ZBBX: variants seen among roughly 807,000 people sequenced by gnomAD.
ZBBX encodes zinc finger B-box domain containing.
A neutral mutation model predicts 108.5 loss-of-function variants in ZBBX; 101 were observed. The observed-to-expected ratio is 0.93, with a 90% CI of 0.79 to 1.10. ZBBX has a LOEUF of 1.10. Ranked by LOEUF, ZBBX falls within the 50% of genes least tolerant of loss-of-function variation. The pLI is 0.00. For missense variants in ZBBX, 1,009 were observed against 941.4 expected (o/e 1.07, Z -0.94); for synonymous variants, 356 against 323.4 (o/e 1.10, Z -1.08).
intron 18 of ZBBX, among the ~76,000 whole-genome samples, chr3:167,290,307 T>G (rs943937785): frequency 6.6e-6 from 1 of 152,164 alleles, no homozygotes; most frequent in Non-Finnish European, 1.5e-5. Context: ...AGGAGAGCTC[T>G]GGCTGGCATC....
chr3:167,360,979 T>C (rs1465917022), intron 6 of ZBBX, among the ~76,000 whole-genome samples: 4 of 151,996 alleles, frequency 2.6e-5, no homozygotes, highest in African/African-American at 7.2e-5. Flanking sequence ...TAATTTGGCT[T>C]TTAAACAAAA....
At chr3:167,219,692 C>A in the ZBBX span, among the ~76,000 whole-genome samples, 1 of 151,602 alleles carries the variant, frequency 6.6e-6, no homozygotes, top group East Asian at 1.9e-4. Flanking sequence ...CGTAATGATG[C>A]AACTTGAAGA....
At chr3:167,368,042 G>A (rs1260449178) in intron 5 of ZBBX, among the ~76,000 whole-genome samples, 1 of 148,174 alleles carries the variant, frequency 6.7e-6, no homozygotes, top group East Asian at 2.0e-4. Context: ...GTATATATAT[G>A]TGAACTCTTG....
the ZBBX span, among the ~76,000 whole-genome samples, chr3:167,230,346 G>A: frequency 9.9e-5 from 15 of 151,824 alleles, no homozygotes; most frequent in Admixed American, 9.9e-4. Context: ...ACCCACTAGT[G>A]ACATAGTTAT....
At chr3:167,372,438 T>C (rs1229681806) in intron 4 of ZBBX, among the ~76,000 whole-genome samples, 4 of 152,194 alleles carry the variant, frequency 2.6e-5, no homozygotes, top group South Asian at 2.1e-4. Flanking sequence ...AAAAGGTCAA[T>C]TCAACATAAC....
chr3:167,392,230 C>T (rs1748102401), intron 1 of ZBBX, among the ~76,000 whole-genome samples: 1 of 151,758 alleles, frequency 6.6e-6, no homozygotes, highest in Non-Finnish European at 1.5e-5. Flanking sequence ...TGTGTGTCAC[C>T]AGTTTGTTCC....
At chr3:167,383,262 T>A (rs1747805357), upstream of ZBBX, among the ~76,000 whole-genome samples, 1 of 152,074 alleles carries the variant, frequency 6.6e-6, no homozygotes, top group Non-Finnish European at 1.5e-5. Context: ...ACCAAATTCC[T>A]ACCATCTCCT....
At chr3:167,263,035 C>CTTTTTT (rs59613369) in intron 20 of ZBBX, among the ~76,000 whole-genome samples, 15 of 84,876 alleles carry the variant, frequency 1.8e-4, no homozygotes, top group Admixed American at 2.8e-4. Flanking sequence ...TTTTCTAGTT[C>CTTTTTT]TTTTTTTTTT....
intron 1 of ZBBX, among the ~76,000 whole-genome samples, chr3:167,388,697 C>T (rs1478122923): frequency 6.6e-6 from 1 of 152,004 alleles, no homozygotes; most frequent in East Asian, 1.9e-4. Context: ...GGTACCTAGG[C>T]TCCTTCCATT....
At chr3:167,312,532 T>C (rs1375831695) in intron 16 of ZBBX, among the ~76,000 whole-genome samples, 1 of 152,186 alleles carries the variant, frequency 6.6e-6, no homozygotes, top group African/African-American at 2.4e-5. Context: ...TGTATGTGTA[T>C]AGAGCAAAGG....
the ZBBX span, among the ~76,000 whole-genome samples, chr3:167,204,870 T>C: frequency 7.4e-4 from 111 of 150,114 alleles, no homozygotes; most frequent in African/African-American, 2.7e-3. Flanking sequence ...ATACTTGAGA[T>C]AGAAGATAAG....
chr3:167,260,867 G>T (rs901121731), intron 20 of ZBBX, among the ~76,000 whole-genome samples: 9 of 152,154 alleles, frequency 5.9e-5, no homozygotes, highest in Admixed American at 3.9e-4. Flanking sequence ...TCAATTGCTG[G>T]TGAGCATGTG....
the ZBBX span, among the ~76,000 whole-genome samples, chr3:167,211,860 G>A: frequency 6.6e-6 from 1 of 151,986 alleles, no homozygotes; most frequent in African/African-American, 2.4e-5. Context: ...AGAGGGAGGA[G>A]TGGGCCACCA....
intron 1 of ZBBX, among the ~76,000 whole-genome samples, chr3:167,394,164 G>A (rs1748160835): frequency 6.6e-6 from 1 of 151,754 alleles, no homozygotes; most frequent in African/African-American, 2.4e-5. Context: ...AGTATATACA[G>A]TGCTTCTCAA....
the ZBBX span, among the ~76,000 whole-genome samples, chr3:167,192,525 G>C: frequency 6.6e-6 from 1 of 152,100 alleles, no homozygotes; most frequent in Non-Finnish European, 1.5e-5. Context: ...TTATTTGCTT[G>C]TTTGCTCTTG....
chr3:167,271,834 A>C (rs932676115), intron 20 of ZBBX, among the ~76,000 whole-genome samples: 1 of 152,180 alleles, frequency 6.6e-6, no homozygotes, highest in Non-Finnish European at 1.5e-5. Context: ...ATAGTAGATC[A>C]CCTCACTCAC....
intron 11 of ZBBX, among the ~76,000 whole-genome samples, chr3:167,325,902 T>A (rs1438980368): frequency 6.6e-6 from 1 of 152,100 alleles, no homozygotes; most frequent in Admixed American, 6.6e-5. Context: ...TGGCTAAAGT[T>A]AAAGAACCAG....
At chr3:167,268,295 G>C (rs955642165) in intron 20 of ZBBX, among the ~76,000 whole-genome samples, 1 of 151,866 alleles carries the variant, frequency 6.6e-6, no homozygotes, top group African/African-American at 2.4e-5. Context: ...CACCTGGGTT[G>C]AGTTAATGTC....
intron 11 of ZBBX, among the ~76,000 whole-genome samples, chr3:167,322,548 A>G (rs1174629203): frequency 6.6e-6 from 1 of 152,064 alleles, no homozygotes; most frequent in African/African-American, 2.4e-5. Context: ...TTGTATAAAC[A>G]CATACATAAA....
Sources: allele counts gnomAD v4.1 joint callset (sites outside exome capture counted in the v4.1 genomes callset), GRCh38; gene constraint gnomAD v4.1.1; transcripts MANE v1.5; gene names NCBI Gene and HGNC (gene_info 2026-07-23, HGNC 2026-07-21).